CFAP299: variants seen among roughly 807,000 people sequenced by gnomAD.
The protein encoded by CFAP299 is cilia and flagella associated protein 299.
In CFAP299, 21 loss-of-function variants were observed where a neutral mutation model predicts 27.0. That is an observed-to-expected ratio of 0.78 (90% confidence interval 0.55 to 1.12). The LOEUF (loss-of-function observed/expected upper bound fraction) is 1.12, where lower values mean the gene tolerates loss of function less well. CFAP299 is among the 50% of genes most tolerant of loss of function. The pLI is 0.00. For missense variants in CFAP299, 310 were observed against 276.6 expected (o/e 1.12, Z -0.86); for synonymous variants, 104 against 98.1 (o/e 1.06, Z -0.36).
intron 2 of CFAP299, among the ~76,000 whole-genome samples, chr4:80,497,041 A>C (rs1346795045): frequency 6.6e-6 from 1 of 151,762 alleles, no homozygotes; most frequent in African/African-American, 2.4e-5. Flanking sequence ...TAATCCAGTC[A>C]CCTCCCACCA....
Position 80,494,661 on chromosome 4 carries a change from T to C in CFAP299, c.243-88432T>C, listed in dbSNP as rs1036317317. Among the ~76,000 whole-genome samples the C allele has an allele frequency of 2.0e-4, 30 of 152,322 alleles. No homozygotes were observed. The South Asian group carries it at 2.1e-3, about 11-fold the overall frequency. ...TCTTTTCCCTCTACTTAGATTGTTC[T>C]GTGGCACGTTCTATAGGTATGGCTC... On this transcript the variant is annotated intron_variant, in intron 2 of 5. Coordinates refer to ENST00000358105, the MANE Select transcript of CFAP299 (RefSeq NM_152770.3).
At chr4:80,544,017 C>T (rs1156841356) in intron 2 of CFAP299, among the ~76,000 whole-genome samples, 1 of 152,172 alleles carries the variant, frequency 6.6e-6, no homozygotes, top group African/African-American at 2.4e-5. Context: ...TCAGTAGAAA[C>T]ATTACCAGCT....
chr4:80,714,858 C>T (rs973954010), intron 3 of CFAP299, among the ~76,000 whole-genome samples: 11 of 151,962 alleles, frequency 7.2e-5, no homozygotes, highest in African/African-American at 1.9e-4. Context: ...AAATTGAGCC[C>T]GTTTTGGAAA....
Position 80,781,667 on chromosome 4 carries a change from T to C in CFAP299, c.334-88326T>C, listed in dbSNP as rs1388000824. On this transcript the variant is annotated intron_variant, in intron 3 of 5. Coordinates refer to ENST00000358105, the MANE Select transcript of CFAP299 (RefSeq NM_152770.3). ...ACTGATTTTCTATGGTCAGGCCTACTTGAGGTATTTGATATGACTCAAGGT... is the reference window on the plus strand; with the variant it reads ...ACTGATTTTCTATGGTCAGGCCTACCTGAGGTATTTGATATGACTCAAGGT... 3.9e-5 allele frequency among the ~76,000 whole-genome samples: 6 copies of C among 152,206 alleles called. No individual in the cohort carries two copies. In the South Asian group the frequency reaches 1.2e-3, roughly 32 times the overall value.
At chr4:80,551,496 TATG>T (rs1046740326) in intron 2 of CFAP299, among the ~76,000 whole-genome samples, 18 of 152,276 alleles carry the variant, frequency 1.2e-4, no homozygotes, top group African/African-American at 3.6e-4. Context: ...ATATATTTAT[TATG>T]ATAACATGTA....
intron 2 of CFAP299, among the ~76,000 whole-genome samples, chr4:80,443,151 A>T (rs1193129784): frequency 2.0e-5 from 3 of 152,154 alleles, no homozygotes; most frequent in Admixed American, 2.0e-4. Flanking sequence ...ATTCCAAACA[A>T]TAGAAAGAGA....
rs372770572 is a variant in CFAP299, at chr4:80,529,746, C to CT, written c.243-53336dup. 1.2e-3 allele frequency among the ~76,000 whole-genome samples: 171 copies of CT among 146,780 alleles called. 1 individual carries two copies. The highest frequency in any genetic ancestry group is 2.2e-3 in the East Asian group (11 of 5,060). On this transcript the variant is annotated intron_variant, in intron 2 of 5. Transcript: ENST00000358105. ...GCTAACTCACTTTTTAGATACAATC[C>CT]TTTTTTTTTTTCTTGGCAAACAAGT...
chr4:80,591,124 T>TTA (rs1560643044), intron 3 of CFAP299, among the ~76,000 whole-genome samples: 10 of 134,704 alleles, frequency 7.4e-5, no homozygotes, highest in Non-Finnish European at 1.3e-4. Context: ...TTTTTTTTTT[T>TTA]TTTTTTTATT....
chr4:80,627,211 T>C (rs2109940411), intron 3 of CFAP299, among the ~76,000 whole-genome samples: 1 of 152,052 alleles, frequency 6.6e-6, no homozygotes, highest in South Asian at 2.1e-4. Context: ...TCGGTAAATG[T>C]AATACATTAC....
chr4:80,606,314 A>G (rs1737671526), intron 3 of CFAP299, among the ~76,000 whole-genome samples: 2 of 152,280 alleles, frequency 1.3e-5, no homozygotes, highest in Admixed American at 1.3e-4. Context: ...AGGCGGGTGG[A>G]TCACAAGGTC....
Position 80,619,482 on chromosome 4 carries a change from A to T in CFAP299, c.333+36299A>T, listed in dbSNP as rs1168366004. ...CCTTTATTATTCTCTTCACTACTGA[A>T]AGAAGAAACCAATAAGAGCAGAAAA... On this transcript the variant is annotated intron_variant, in intron 3 of 5. Transcript: ENST00000358105. Among the ~76,000 whole-genome samples, 3 of 152,126 alleles carry T rather than the reference A, an allele frequency of 2.0e-5. No homozygotes were observed. In the East Asian group the frequency reaches 5.8e-4, roughly 29 times the overall value.
Position 80,955,032 on chromosome 4 carries a change from AAACG to A in CFAP299, c.607-8484_607-8481del, listed in dbSNP as rs1157191820. Among the ~76,000 whole-genome samples the A allele has an allele frequency of 3.0e-3, 76 of 25,318 alleles. 16 individuals carry two copies. The highest frequency in any genetic ancestry group is 0.036 in the Middle Eastern group (2 of 56). The allele number at this position is 25,318 out of a possible 152,430, so 16.6% of individuals were successfully genotyped here. A position where few individuals can be genotyped will look rare whatever the true frequency, so the allele number is the denominator to read the frequency against. On this transcript the variant is annotated intron_variant, in intron 5 of 5. Coordinates refer to ENST00000358105, the MANE Select transcript of CFAP299 (RefSeq NM_152770.3). ...AAAAAAAAAAAAAAAAAAAAAAAAA[AAACG>A]CACACATGGCCATATACAGAGTAGT... is the stretch of plus-strand genomic sequence containing the variant.
intron 2 of CFAP299, among the ~76,000 whole-genome samples, chr4:80,450,688 T>C (rs1311042951): frequency 6.6e-6 from 1 of 151,686 alleles, no homozygotes; most frequent in African/African-American, 2.4e-5. Context: ...GAGATGTTCA[T>C]ATATGTCAAA....
chr4:80,366,366 A>G (rs777983415), intron 2 of CFAP299, among the ~76,000 whole-genome samples: 3 of 152,218 alleles, frequency 2.0e-5, no homozygotes, highest in Admixed American at 6.5e-5. Context: ...ATTACTCACA[A>G]TAGCTTCACA....
chr4:80,469,457 A>G (rs1166829775), intron 2 of CFAP299, among the ~76,000 whole-genome samples: 6 of 152,238 alleles, frequency 3.9e-5, no homozygotes, highest in Non-Finnish European at 2.9e-5. Context: ...AAGTGGGGAT[A>G]TTAACAGTAT....
chr4:80,327,701 T>TATATATATATATATAACTTCAATAC, the CFAP299 span, among the ~76,000 whole-genome samples: 52 of 61,180 alleles, frequency 8.5e-4, 1 homozygote, highest in Non-Finnish European at 1.4e-3. Context: ...TATATATATA[T>TATATATATATATATAACTTCAATAC]ATATATATAT....
At chr4:80,829,048 G>A (rs958271502) in intron 3 of CFAP299, among the ~76,000 whole-genome samples, 3 of 151,556 alleles carry the variant, frequency 2.0e-5, no homozygotes, top group African/African-American at 7.3e-5. Context: ...TGACACCAAA[G>A]GCACAGGTAA....
At chr4:80,447,664 G>A (rs952554098) in intron 2 of CFAP299, among the ~76,000 whole-genome samples, 11 of 151,700 alleles carry the variant, frequency 7.3e-5, no homozygotes, top group African/African-American at 2.7e-4. Flanking sequence ...TTTTGGCCAG[G>A]CTGGTCTGAA....
intron 1 of CFAP299, among the ~76,000 whole-genome samples, chr4:80,355,608 G>C (rs550323301): frequency 1.3e-5 from 2 of 151,710 alleles, no homozygotes; most frequent in South Asian, 4.2e-4. Flanking sequence ...CATCTGCCTC[G>C]GCCTCCCAAT....
Sources: gnomAD v4.1 joint callset for allele counts (sites outside exome capture counted in the v4.1 genomes callset) on GRCh38, gnomAD v4.1.1 for gene constraint, MANE v1.5 for transcripts, NCBI Gene and HGNC (gene_info 2026-07-23, HGNC 2026-07-21) for gene names.